FARP2: variants seen among roughly 807,000 people sequenced by gnomAD.
The protein encoded by FARP2 is FERM, ARH/RhoGEF and pleckstrin domain protein 2.
In FARP2, 111 loss-of-function variants were observed where a neutral mutation model predicts 130.5. The ratio of observed to expected loss-of-function variants is 0.85; its 90% CI spans 0.73 to 1.00. The LOEUF (loss-of-function observed/expected upper bound fraction) is 1.00. Ranked by LOEUF, FARP2 falls within the 50% of genes least tolerant of loss-of-function variation. The pLI is 0.00. For synonymous variants in FARP2, 504 were observed against 516.9 expected (o/e 0.98, Z 0.34); for missense variants, 1,385 against 1,346.3 (o/e 1.03, Z -0.45).
At chr2:241,462,712 T>G in intron 15 of FARP2, 100 bp downstream of exon 15, 1 of 802,366 alleles carries the variant, frequency 1.2e-6, no homozygotes, top group Non-Finnish European at 2.0e-6. Flanking sequence ...TTTTTTGAGA[T>G]GGAGCCTCAC....
At chr2:241,399,427 C>G (rs544609963) in intron 2 of FARP2, among the ~76,000 whole-genome samples, 1 of 152,344 alleles carries the variant, frequency 6.6e-6, no homozygotes, top group Non-Finnish European at 1.5e-5. Flanking sequence ...GTCTCAGCCT[C>G]CCAAGTAGCT....
intron 2 of FARP2, among the ~76,000 whole-genome samples, chr2:241,375,871 G>T (rs1380130638): frequency 6.6e-6 from 1 of 152,102 alleles, no homozygotes; most frequent in African/African-American, 2.4e-5. Flanking sequence ...AGGACTACAG[G>T]TGTGAGCCAC....
At position 241,466,053 on chromosome 2, in the gene FARP2, A is replaced by G. The variant is rs114055338; in HGVS notation, c.1893+2073A>G. 1.2e-3 allele frequency: 1,428 copies of G among 1,213,162 alleles called. 19 individuals carry two copies. In the African/African-American group the frequency reaches 0.019, roughly 17 times the overall value. The allele number at this position is 1,213,162 out of a possible 1,614,324, so 75.1% of individuals were successfully genotyped here. ...AGATTATCATACTGTAGTCATCTTT[A>G]ATGTTCATTAAAACAAAGGGATTTG... is the stretch of plus-strand genomic sequence containing the variant. On this transcript the variant is annotated intron_variant, in intron 17 of 26. Coordinates refer to ENST00000264042, the MANE Select transcript of FARP2 (RefSeq NM_014808.4).
chr2:241,427,958 G>A (rs1319215237), intron 8 of FARP2, among the ~76,000 whole-genome samples: 1 of 152,064 alleles, frequency 6.6e-6, no homozygotes, highest in Non-Finnish European at 1.5e-5. Flanking sequence ...AGTAGAGGCG[G>A]GGTTTCACTG....
chr2:241,358,904 T>C (rs2061123751), intron 1 of FARP2, among the ~76,000 whole-genome samples: 1 of 152,222 alleles, frequency 6.6e-6, no homozygotes, highest in Non-Finnish European at 1.5e-5. Flanking sequence ...GGTCTAATCT[T>C]TTTGGAAAGT....
At chr2:241,388,543 A>G (rs1029973887) in intron 2 of FARP2, among the ~76,000 whole-genome samples, 1 of 152,258 alleles carries the variant, frequency 6.6e-6, no homozygotes, top group African/African-American at 2.4e-5. Flanking sequence ...TAAAGATGCT[A>G]TCAAGAAAGT....
intron 2 of FARP2, chr2:241,387,026 G>A (rs1200135461): frequency 3.9e-5 from 6 of 152,110 alleles, no homozygotes; most frequent in Non-Finnish European, 7.4e-5. Context: ...CAGCCTTTCT[G>A]AATCATTTAA....
intron 18 of FARP2, chr2:241,471,395 G>A (rs2064301062): frequency 6.8e-6 from 1 of 146,206 alleles, no homozygotes; most frequent in African/African-American, 2.5e-5. Context: ...GTGGGATGCT[G>A]TTCTAAGGGG....
chr2:241,476,209 T>C (rs1374517109), intron 19 of FARP2, among the ~76,000 whole-genome samples: 4 of 122,386 alleles, frequency 3.3e-5, no homozygotes, highest in African/African-American at 1.3e-4. Flanking sequence ...CCCATTTCTA[T>C]GAATTAAAAA....
At position 241,482,869 on chromosome 2, in the gene FARP2, G is replaced by T. The variant is rs1023189221; in HGVS notation, c.2263-596G>T. On this transcript the variant is annotated intron_variant, in intron 19 of 26. Coordinates refer to ENST00000264042, the MANE Select transcript of FARP2 (RefSeq NM_014808.4). This position sits in a 1 kb window ranked among gnomAD's most constrained non-coding sequence, Gnocchi z 4.6. ...CTGCGCAGGTGTCTGATACTGGCAG[G>T]ATTCTTTTTTCTTATCTAACGCCCT... Among the ~76,000 whole-genome samples the T allele has an allele frequency of 6.6e-6, 1 of 152,124 alleles. No homozygotes were observed. Among genetic ancestry groups the T allele is most frequent in the African/African-American group, 2.4e-5 (1 of 41,430 alleles).
At chr2:241,396,455 C>T (rs1289781745) in intron 2 of FARP2, among the ~76,000 whole-genome samples, 6 of 152,056 alleles carry the variant, frequency 3.9e-5, no homozygotes, top group Non-Finnish European at 5.9e-5. Flanking sequence ...GGCTAATATC[C>T]AGAATCTACA....
Position 241,494,615 on chromosome 2 carries a change from GGC to G in FARP2, c.*491_*492del, listed in dbSNP as rs2065054716. On this transcript the variant is annotated 3_prime_UTR_variant, in exon 27 of 27. Transcript: ENST00000264042. This position sits in a 1 kb window ranked among gnomAD's most constrained non-coding sequence, Gnocchi z 4.9. ...TGACCTTCCATCTGGTGAACCAAGT[GGC>G]AGCCCCAGGGGCCTGCCCTGCAGGT... 6.6e-6 allele frequency: 1 copy of G among 152,308 alleles called. No individual in the cohort carries two copies. The highest frequency in any genetic ancestry group is 6.5e-5 in the Admixed American group (1 of 15,286). The allele number at this position is 152,308 out of a possible 1,614,324, so 9.4% of individuals were successfully genotyped here. A position where few individuals can be genotyped will look rare whatever the true frequency, so the allele number is the denominator to read the frequency against.
chr2:241,436,160 C>T (rs868780922), intron 11 of FARP2, among the ~76,000 whole-genome samples: 6 of 151,812 alleles, frequency 4.0e-5, no homozygotes, highest in South Asian at 2.1e-4. Context: ...CCACCCGCCT[C>T]GGCCTCCCAA....
At chr2:241,478,203 GGTA>G (rs1194927126) in intron 19 of FARP2, 1 of 154,954 alleles carries the variant, frequency 6.5e-6, no homozygotes, top group Non-Finnish European at 1.4e-5. Flanking sequence ...GGGAGGCTAA[GGTA>G]GGAGCATTGC....
At chr2:241,486,287 CTTT>C (rs71406464) in intron 21 of FARP2, among the ~76,000 whole-genome samples, 3 of 103,890 alleles carry the variant, frequency 2.9e-5, no homozygotes, top group Admixed American at 1.1e-4. Flanking sequence ...CTCCAAAAAT[CTTT>C]TTTTTTTTTT....
intron 17 of FARP2, chr2:241,465,535 C>T: frequency 6.4e-7 from 1 of 1,550,542 alleles, no homozygotes; most frequent in Non-Finnish European, 8.7e-7. Flanking sequence ...AGGGGCAGCA[C>T]TGGGGGAAGT....
chr2:241,373,465 A>G (rs2061467055), intron 2 of FARP2, among the ~76,000 whole-genome samples, 175 bp downstream of exon 2: 1 of 152,206 alleles, frequency 6.6e-6, no homozygotes, highest in African/African-American at 2.4e-5. Flanking sequence ...TTTATTTGGA[A>G]AGTGGTATTG....
rs2062568471 is a variant in FARP2 at position 241,413,170 on chromosome 2, A to G, written c.509-137A>G. ...AAAATATTTGGAAAAATTAAATAAA[A>G]AATCTTGCTTTTTTAGGGATATATT... On this transcript the variant is annotated intron_variant, in intron 6 of 26. Coordinates refer to ENST00000264042, the MANE Select transcript of FARP2 (RefSeq NM_014808.4). 1.4e-5 allele frequency: 8 copies of G among 570,814 alleles called. No individual in the cohort carries two copies. The South Asian group carries it at 1.9e-4, about 13-fold the overall frequency. 35.4% of individuals were successfully genotyped at this position (570,814 alleles called of 1,614,324 possible).
chr2:241,411,534 G>T (rs865826388), intron 6 of FARP2, among the ~76,000 whole-genome samples: 53 of 152,288 alleles, frequency 3.5e-4, no homozygotes, highest in African/African-American at 1.2e-3. Flanking sequence ...TAGCCATGAA[G>T]GAAAAAGAAG....
Sources: allele counts gnomAD v4.1 joint callset (sites outside exome capture counted in the v4.1 genomes callset), GRCh38; gene constraint gnomAD v4.1.1; non-coding constraint Gnocchi (gnomAD v3.1); transcripts MANE v1.5; gene names NCBI Gene and HGNC (gene_info 2026-07-23, HGNC 2026-07-21).